The following BCL11A variants were observed in gnomAD, a reference collection of about 807,000 sequenced individuals.
BCL11A encodes the protein B cell CLL/lymphoma 11A.
A neutral mutation model predicts 55.9 loss-of-function variants in BCL11A; 2 were observed. The observed-to-expected ratio is 0.04, with a 90% CI of 0.01 to 0.11. The LOEUF is 0.11. BCL11A is among the 10% of genes least tolerant of loss of function. The pLI is 1.00. For missense variants in BCL11A, 817 were observed against 1,137.1 expected, an observed-to-expected ratio of 0.72 and a Z score of 4.05; for synonymous variants, 465 against 473.4, an observed-to-expected ratio of 0.98 and a Z score of 0.23.
At chr2:60,520,279 T>A (rs1668919398) in intron 2 of BCL11A, among the ~76,000 whole-genome samples, 1 of 152,180 alleles carries the variant, frequency 6.6e-6, no homozygotes, top group Admixed American at 6.5e-5. Context: ...AATAAACTCT[T>A]CTGCAGGTTT....
At chr2:60,493,258 T>G (rs1165296372) in intron 2 of BCL11A, among the ~76,000 whole-genome samples, 1 of 152,248 alleles carries the variant, frequency 6.6e-6, no homozygotes. Flanking sequence ...TTTTGACCAC[T>G]ATGAACAGTG....
intron 2 of BCL11A, among the ~76,000 whole-genome samples, chr2:60,478,830 T>C (rs1023695531): frequency 6.6e-5 from 10 of 152,278 alleles, no homozygotes; most frequent in African/African-American, 1.4e-4. Context: ...GCCCGGGGCA[T>C]GCTGCAGCTG....
intron 2 of BCL11A, chr2:60,537,591 C>T (rs1008955580): frequency 4.6e-5 from 7 of 152,198 alleles, no homozygotes; most frequent in African/African-American, 1.7e-4. Context: ...TGTACAGGAA[C>T]AGACTTGGCA....
chr2:60,538,791 G>A (rs573539208), intron 2 of BCL11A, among the ~76,000 whole-genome samples: 2 of 151,338 alleles, frequency 1.3e-5, no homozygotes, highest in East Asian at 3.9e-4. Flanking sequence ...GTGTAATGGG[G>A]AAAGAGGGGT....
intron 2 of BCL11A, among the ~76,000 whole-genome samples, chr2:60,474,549 A>G (rs1180292960): frequency 6.6e-6 from 1 of 152,260 alleles, no homozygotes; most frequent in East Asian, 1.9e-4. Flanking sequence ...TGAATTAGAT[A>G]AATTTTTATT....
chr2:60,452,525 G>A (rs775356910), downstream of BCL11A: 20 of 1,450,212 alleles, frequency 1.4e-5, no homozygotes, highest in East Asian at 2.3e-5. Flanking sequence ...CCACGCTGAC[G>A]TCGACTGGGC....
chr2:60,546,247 C>T lies in BCL11A; in HGVS notation c.109G>A (p.Gly37Arg). Residue 37 changes from glycine to arginine, a missense_variant, in exon 2 of 4, where the codon GGA becomes AGA. Gly to Arg is a moderately radical substitution (Grantham distance 125, BLOSUM62 -2). This residue lies in a region of BCL11A where 363 missense variants were observed against 486.6 expected (regional missense o/e 0.75). Coordinates refer to ENST00000642384, the MANE Select transcript of BCL11A (RefSeq NM_022893.4). The surrounding 1 kb of genome is among the most constrained non-coding windows in gnomAD (Gnocchi z 4.1). ...TDDEPDHGPLGAPEGDHDLLT... is the reference protein window; with the variant it reads ...TDDEPDHGPLRAPEGDHDLLT... ...AGGTCATGATCCCCTTCTGGAGCTC[C>T]CAACGGGCCGTGGTCTGGTTCATCA... is the stretch of plus-strand genomic sequence containing the variant. The T allele has an allele frequency of 6.2e-7, 1 of 1,614,214 alleles. No homozygotes were observed. Among genetic ancestry groups the T allele is most frequent in the Non-Finnish European group, 8.5e-7 (1 of 1,180,040 alleles).
At chr2:60,465,152 A>G (rs780819319) in intron 3 of BCL11A, among the ~76,000 whole-genome samples, 1 of 152,214 alleles carries the variant, frequency 6.6e-6, no homozygotes, top group Non-Finnish European at 1.5e-5. Flanking sequence ...ACCATATTAT[A>G]TTACAGTGCT....
chr2:60,470,941 A>G (rs1677159691), intron 2 of BCL11A, among the ~76,000 whole-genome samples: 1 of 152,178 alleles, frequency 6.6e-6, no homozygotes, highest in Non-Finnish European at 1.5e-5. Flanking sequence ...GATTAACCAC[A>G]ATGTGAAGAT....
At chr2:60,505,783 C>A (rs1679555705) in intron 2 of BCL11A, among the ~76,000 whole-genome samples, 1 of 152,312 alleles carries the variant, frequency 6.6e-6, no homozygotes, top group Non-Finnish European at 1.5e-5. Flanking sequence ...TAGAATAAAT[C>A]ATTCGTGGCT....
chr2:60,543,658 A>G (rs1670022572), intron 2 of BCL11A: 1 of 152,236 alleles, frequency 6.6e-6, no homozygotes, highest in African/African-American at 2.4e-5. Flanking sequence ...CTGACATCTC[A>G]CTTTGAGATG....
intron 2 of BCL11A, chr2:60,537,602 C>CT (rs1669728989): frequency 6.6e-6 from 1 of 152,208 alleles, no homozygotes; most frequent in Non-Finnish European, 1.5e-5. Flanking sequence ...AGACTTGGCA[C>CT]ATAGTGCTTT....
chr2:60,516,284 A>G (rs1040395391), intron 2 of BCL11A, among the ~76,000 whole-genome samples: 6 of 152,212 alleles, frequency 3.9e-5, no homozygotes, highest in African/African-American at 1.4e-4. Flanking sequence ...CACTCCTATT[A>G]TTAAAACACA....
chr2:60,517,581 A>G (rs1291174107), intron 2 of BCL11A, among the ~76,000 whole-genome samples: 1 of 152,214 alleles, frequency 6.6e-6, no homozygotes, highest in African/African-American at 2.4e-5. Context: ...CACCGATAAA[A>G]GCGTGGGTGC....
chr2:60,465,669 T>C (rs985357553), intron 3 of BCL11A, among the ~76,000 whole-genome samples: 3 of 152,194 alleles, frequency 2.0e-5, no homozygotes, highest in African/African-American at 4.8e-5. Context: ...AGTCATTTGA[T>C]TTCTCTGAGT....
rs1670131590 is a variant in BCL11A, at chr2:60,545,997, A to G, written c.359T>C (p.Ile120Thr). ...DDCLSTSSRG[I>T]CPKQEHIADK... ...TGCTATGTGTTCCTGTTTGGGGCAA[A>G]TTCCTCTAGATGACGTTGATAAACA... The change falls in exon 2 of 4, where the codon ATT becomes ACT. Residue 120 changes from isoleucine (I) to threonine (T), a missense_variant. Physicochemically the swap from Ile to Thr is moderately conservative, Grantham distance 89. Coordinates refer to ENST00000642384, the MANE Select transcript of BCL11A (RefSeq NM_022893.4). 1 of 1,613,902 alleles carries G rather than the reference A, an allele frequency of 6.2e-7. No homozygotes were observed. The highest frequency in any genetic ancestry group is 1.1e-5 in the South Asian group (1 of 91,058).
chr2:60,470,458 A>G (rs781328279), intron 2 of BCL11A, among the ~76,000 whole-genome samples: 2 of 152,208 alleles, frequency 1.3e-5, no homozygotes, highest in Non-Finnish European at 2.9e-5. Flanking sequence ...TGCTGCCAAA[A>G]CAGACATCCT....
Position 60,499,397 on chromosome 2 carries a change from G to A in BCL11A, c.386-30564C>T, listed in dbSNP as rs1400676218. On this transcript the variant is annotated intron_variant, in intron 2 of 3. Coordinates refer to ENST00000642384, the MANE Select transcript of BCL11A (RefSeq NM_022893.4). The stretch of plus-strand genomic sequence containing the variant: ...ACTCCTGGGAAAGGTTGCACATTCT[G>A]TAACTCCTCTAAGTGATATTTCTTC... 5.9e-5 allele frequency among the ~76,000 whole-genome samples: 9 copies of A among 152,132 alleles called. No homozygotes were observed. The South Asian group carries it at 6.2e-4, about 10-fold the overall frequency.
downstream of BCL11A, chr2:60,452,882 T>G: frequency 2.1e-6 from 1 of 479,466 alleles, no homozygotes; most frequent in Non-Finnish European, 3.8e-6. Flanking sequence ...CTCCCTTCCG[T>G]CCCCCCAAGG....
Sources: gnomAD v4.1 joint callset for allele counts (sites outside exome capture counted in the v4.1 genomes callset) on GRCh38, gnomAD v4.1.1 for gene constraint, gnomAD v4.1.1 regional missense constraint, Gnocchi (gnomAD v3.1) non-coding constraint, MANE v1.5 for transcripts, NCBI Gene and HGNC (gene_info 2026-07-23, HGNC 2026-07-21) for gene names.